The following ATRNL1 variants were observed in gnomAD, a reference collection of about 807,000 sequenced individuals.
The protein encoded by ATRNL1 is attractin like 1.
ATRNL1 carries 95 observed loss-of-function variants against 182.7 expected under a neutral mutation model. The ratio of observed to expected loss-of-function variants is 0.52; its 90% CI spans 0.44 to 0.62. ATRNL1 has a LOEUF of 0.62. Ranked by LOEUF, ATRNL1 falls within the 20% of genes least tolerant of loss-of-function variation. The pLI is 0.00. For synonymous variants in ATRNL1, 576 were observed against 568.3 expected, an observed-to-expected ratio of 1.01 and a Z score of -0.19; for missense variants, 1,471 against 1,679.5, an observed-to-expected ratio of 0.88 and a Z score of 2.17.
At chr10:115,618,643 G>C (rs12249348) in intron 26 of ATRNL1, among the ~76,000 whole-genome samples, 1,659 of 149,746 alleles carry the variant, frequency 0.011, 29 homozygotes, top group African/African-American at 0.038. Context: ...TTTTTATTTT[G>C]TTCATTAAAT....
At chr10:115,359,697 A>G (rs1454158731) in intron 19 of ATRNL1, among the ~76,000 whole-genome samples, 1 of 151,576 alleles carries the variant, frequency 6.6e-6, no homozygotes, top group Non-Finnish European at 1.5e-5. Context: ...AGCTCAAATA[A>G]GGAAGAAAAT....
At chr10:115,105,057 T>C (rs1264801) in intron 1 of ATRNL1, among the ~76,000 whole-genome samples, 108,046 of 151,976 alleles carry the variant, frequency 0.71, 39,153 homozygotes, top group African/African-American at 0.77. Flanking sequence ...GCTCTGCATA[T>C]ATTTTATGAT....
chr10:115,751,075 A>G (rs1368340701), intron 27 of ATRNL1, among the ~76,000 whole-genome samples: 1 of 152,042 alleles, frequency 6.6e-6, no homozygotes, highest in Admixed American at 6.6e-5. Context: ...ATCCTGGATT[A>G]CTCAGATGGG....
intron 27 of ATRNL1, among the ~76,000 whole-genome samples, chr10:115,785,869 C>G (rs1949384384): frequency 6.6e-6 from 1 of 152,194 alleles, no homozygotes; most frequent in African/African-American, 2.4e-5. Flanking sequence ...CCAGATTCAT[C>G]CTTTACATGT....
At chr10:115,244,612 C>T (rs1460894292) in intron 10 of ATRNL1, among the ~76,000 whole-genome samples, 3 of 152,142 alleles carry the variant, frequency 2.0e-5, no homozygotes, top group Non-Finnish European at 4.4e-5. Flanking sequence ...TAACATATGA[C>T]ATGACACATT....
chr10:115,900,197 AT>A (rs547377877), intron 28 of ATRNL1, among the ~76,000 whole-genome samples: 2 of 152,270 alleles, frequency 1.3e-5, no homozygotes, highest in East Asian at 1.9e-4. Context: ...GGTTGTCCAT[AT>A]TTTTTTATAA....
chr10:115,424,946 G>A (rs545190866), intron 20 of ATRNL1, among the ~76,000 whole-genome samples: 122 of 152,248 alleles, frequency 8.0e-4, no homozygotes, highest in Non-Finnish European at 1.1e-3. Flanking sequence ...TAAAAGTGGT[G>A]TTTGGAAATG....
chr10:115,353,608 A>C (rs1386432449), intron 19 of ATRNL1, among the ~76,000 whole-genome samples: 1 of 151,784 alleles, frequency 6.6e-6, no homozygotes, highest in Non-Finnish European at 1.5e-5. Context: ...CCAGTTTGTC[A>C]TTTTTCTTCT....
chr10:115,596,703 A>G (rs782333520), intron 26 of ATRNL1, among the ~76,000 whole-genome samples: 67 of 152,322 alleles, frequency 4.4e-4, no homozygotes, highest in Admixed American at 2.6e-4. Context: ...AGTAATTGAC[A>G]TTTAACATGA....
chr10:115,713,115 G>A (rs1947113798), intron 26 of ATRNL1, among the ~76,000 whole-genome samples: 1 of 152,052 alleles, frequency 6.6e-6, no homozygotes, highest in East Asian at 1.9e-4. Context: ...TACTTCCCAG[G>A]AAGTATTTGT....
intron 9 of ATRNL1, among the ~76,000 whole-genome samples, chr10:115,235,377 C>T (rs963143931): frequency 6.6e-6 from 1 of 152,116 alleles, no homozygotes; most frequent in Non-Finnish European, 1.5e-5. Flanking sequence ...AAACCCCATA[C>T]CTGTCTATTC....
chr10:115,579,185 T>C (rs1555006369), intron 26 of ATRNL1, among the ~76,000 whole-genome samples: 1 of 151,812 alleles, frequency 6.6e-6, no homozygotes, highest in Non-Finnish European at 1.5e-5. Flanking sequence ...TACTGTTGAA[T>C]AGAATGTTCT....
chr10:115,714,689 C>T (rs1947194887), intron 26 of ATRNL1, among the ~76,000 whole-genome samples: 1 of 152,102 alleles, frequency 6.6e-6, no homozygotes, highest in African/African-American at 2.4e-5. Context: ...TGTAAGTGTC[C>T]ATTTCTAGAG....
intron 3 of ATRNL1, among the ~76,000 whole-genome samples, chr10:115,123,940 C>T (rs1592132132): frequency 6.6e-6 from 1 of 151,646 alleles, no homozygotes; most frequent in Non-Finnish European, 1.5e-5. Context: ...TCCCATCAGC[C>T]CCAGATGGGA....
At chr10:115,658,323 A>G (rs1246926816) in intron 26 of ATRNL1, among the ~76,000 whole-genome samples, 1 of 151,278 alleles carries the variant, frequency 6.6e-6, no homozygotes, top group Non-Finnish European at 1.5e-5. Context: ...ATATGAGTCT[A>G]CTCATTTGTA....
rs1435076791 is a variant in ATRNL1 at position 115,094,150 on chromosome 10, C to G, written c.293+107C>G. ...CCGCCCCCGTCGCTGCCTCTGATCC[C>G]CCGGCCGTGAGTGAACCTCAGCGCG... On this transcript the variant is annotated intron_variant, in intron 1 of 28. Coordinates refer to ENST00000355044, the MANE Select transcript of ATRNL1 (RefSeq NM_207303.4). 5.2e-6 allele frequency: 6 copies of G among 1,149,970 alleles called. No homozygotes were observed. The East Asian group carries it at 1.3e-4, about 25-fold the overall frequency. 71.2% of individuals were successfully genotyped at this position (1,149,970 alleles called of 1,614,324 possible).
At chr10:115,873,202 A>G (rs905328134) in intron 28 of ATRNL1, among the ~76,000 whole-genome samples, 1 of 152,196 alleles carries the variant, frequency 6.6e-6, no homozygotes, top group African/African-American at 2.4e-5. Flanking sequence ...CTGTCAGCAG[A>G]GATGCTGTTT....
At chr10:115,794,894 A>G (rs113556121) in intron 27 of ATRNL1, among the ~76,000 whole-genome samples, 14 of 152,292 alleles carry the variant, frequency 9.2e-5, no homozygotes, top group African/African-American at 3.4e-4. Flanking sequence ...TATTTATATG[A>G]CACCTTCCTA....
intron 27 of ATRNL1, among the ~76,000 whole-genome samples, chr10:115,784,787 A>T (rs559335734): frequency 6.6e-6 from 1 of 152,168 alleles, no homozygotes; most frequent in Admixed American, 6.5e-5. Flanking sequence ...TAAAGATAGC[A>T]GTCATTGGGT....
Sources: allele counts gnomAD v4.1 joint callset (sites outside exome capture counted in the v4.1 genomes callset), GRCh38; gene constraint gnomAD v4.1.1; transcripts MANE v1.5; gene names NCBI Gene and HGNC (gene_info 2026-07-23, HGNC 2026-07-21).